The following KIF17 variants were observed in gnomAD, a reference collection of about 807,000 sequenced individuals.
The protein encoded by KIF17 is kinesin family member 17.
A neutral mutation model predicts 96.8 loss-of-function variants in KIF17; 80 were observed. The observed-to-expected ratio is 0.83, with a 90% CI of 0.69 to 1.00. KIF17 has a LOEUF of 1.00. Ranked by LOEUF, KIF17 falls within the 50% of genes least tolerant of loss-of-function variation. The pLI is 0.00. For synonymous variants in KIF17, 567 were observed against 587.5 expected (o/e 0.97, Z 0.51); for missense variants, 1,280 against 1,372.9 (o/e 0.93, Z 1.07).
Position 20,672,738 on chromosome 1 carries a change from AGACCC to A in KIF17, c.2464-547_2464-543del, listed in dbSNP as rs1165839020. The A allele has an allele frequency of 4.6e-6, 1 of 219,570 alleles. No homozygotes were observed. Among genetic ancestry groups the A allele is most frequent in the African/African-American group, 2.2e-5 (1 of 44,818 alleles). The allele number at this position is 219,570 out of a possible 1,614,324, so 13.6% of individuals were successfully genotyped here. On this transcript the variant is annotated intron_variant, in intron 11 of 14. Transcript: ENST00000400463. The surrounding 1 kb of genome is among the most constrained non-coding windows in gnomAD (Gnocchi z 4.3). ...GACCTAAACAATGGACCTAAGAGTA[AGACCC>A]ACCTTGATCTGATCAAGGGTTCCAG...
chr1:20,698,408 C>A lies in KIF17; in HGVS notation c.1204G>T (p.Val402Leu), dbSNP rs522496. ...CGGATCAGCTGCTTCTCGGCCTCCA[C>A]GTCATGCTGGATCACAGGTTGGGGC... The part of the protein sequence containing the change: ...LLPQPVIQHD[V>L]EAEKQLIREE... Residue 402 changes from valine to leucine, a missense_variant, in exon 6 of 15, where the codon GTG (valine) becomes TTG (leucine). Coordinates refer to ENST00000400463, the MANE Select transcript of KIF17 (RefSeq NM_001122819.3). The A allele has an allele frequency of 6.2e-7, 1 of 1,613,508 alleles. No homozygotes were observed.
chr1:20,692,384 G>A (rs2054054989), intron 6 of KIF17, among the ~76,000 whole-genome samples: 1 of 151,196 alleles, frequency 6.6e-6, no homozygotes. Flanking sequence ...TCTGTCACCT[G>A]GGCTGGAGTG....
Position 20,672,060 on chromosome 1 carries a change from A to G in KIF17, c.2600T>C (p.Leu867Pro). 6.2e-7 allele frequency: 1 copy of G among 1,613,550 alleles called. No homozygotes were observed. The highest frequency in any genetic ancestry group is 8.5e-7 in the Non-Finnish European group (1 of 1,179,988). ...LQQLLEQVQP[L>P]IRRDCNYSNL... Reference sequence around the variant, plus strand: ...GCTGTAGTTACAGTCCCTGCGAATCAGGGGCTGCACCTGCTCCAGGAGCTG... The same window carrying G: ...GCTGTAGTTACAGTCCCTGCGAATCGGGGGCTGCACCTGCTCCAGGAGCTG... Residue 867 changes from leucine (L) to proline (P), a missense_variant, in exon 12 of 15, where the codon CTG becomes CCG. Transcript: ENST00000400463. The surrounding 1 kb of genome is among the most constrained non-coding windows in gnomAD (Gnocchi z 4.3).
At chr1:20,681,617 C>T (rs2053832057) in intron 11 of KIF17, among the ~76,000 whole-genome samples, 1 of 152,174 alleles carries the variant, frequency 6.6e-6, no homozygotes, top group African/African-American at 2.4e-5. Flanking sequence ...ACCCGGACAG[C>T]ACAGAGAAAG....
At chr1:20,710,038 C>G (rs1208323381) in intron 3 of KIF17, among the ~76,000 whole-genome samples, 2 of 152,172 alleles carry the variant, frequency 1.3e-5, no homozygotes, top group Admixed American at 1.3e-4. Flanking sequence ...TGCTATGGGA[C>G]CTTCAGCCAA....
At position 20,717,855 on chromosome 1, in the gene KIF17, C is replaced by G; in HGVS notation, c.-149G>C. On this transcript the variant is annotated 5_prime_UTR_variant, in exon 1 of 15. Coordinates refer to ENST00000400463, the MANE Select transcript of KIF17 (RefSeq NM_001122819.3). ...GGGCCGCGGCGGGGGGCGGGGACCC[C>G]TCGGGGGGCGCCCCGGAGGGGAGCT... 1 of 526,372 alleles carries G rather than the reference C, an allele frequency of 1.9e-6. No homozygotes were observed. Among genetic ancestry groups the G allele is most frequent in the East Asian group, 6.7e-5 (1 of 14,834 alleles). The allele number at this position is 526,372 out of a possible 1,614,324, so 32.6% of individuals were successfully genotyped here.
At position 20,682,786 on chromosome 1, in the gene KIF17, C is replaced by T. The variant is rs148629128; in HGVS notation, c.2330G>A (p.Arg777His). 8.9e-4 allele frequency: 1,431 copies of T among 1,612,838 alleles called. 2 individuals carry two copies. The highest frequency in any genetic ancestry group is 9.3e-4 in the Non-Finnish European group (1,095 of 1,180,026). The stretch of plus-strand genomic sequence containing the variant: ...CAGGGCAGCCACCAGCTGCTTCCTG[C>T]GCTCGTCTGCGTAGCGCTTGCGCCG... ...HKRRKRYADE[R>H]RKQLVAALQN... Residue 777 changes from arginine to histidine, a missense_variant, in exon 11 of 15, where the codon CGC (arginine) becomes CAC (histidine). By Grantham distance (29) the Arg-to-His change is conservative (BLOSUM62 0). Coordinates refer to ENST00000400463, the MANE Select transcript of KIF17 (RefSeq NM_001122819.3).
chr1:20,663,496 G>T (rs922032720), downstream of KIF17, among the ~76,000 whole-genome samples: 1 of 152,232 alleles, frequency 6.6e-6, no homozygotes, highest in African/African-American at 2.4e-5. Flanking sequence ...CATTAACCCT[G>T]TGAGGTGGGC....
At chr1:20,670,678 G>C (rs1396691631) in intron 12 of KIF17, among the ~76,000 whole-genome samples, 190 bp from the exon 13 acceptor site, 2 of 152,180 alleles carry the variant, frequency 1.3e-5, no homozygotes, top group African/African-American at 2.4e-5. Context: ...ACCCTCATCT[G>C]CTTGCAGGCA....
intron 11 of KIF17, among the ~76,000 whole-genome samples, chr1:20,673,986 C>T (rs1020251359): frequency 2.0e-5 from 3 of 151,788 alleles, no homozygotes; most frequent in South Asian, 2.1e-4. Context: ...TGGAGTGCAG[C>T]GGCACCTTCT....
chr1:20,704,641 GCCA>G lies in KIF17; in HGVS notation c.926_928del (p.Val309del). 1 of 1,614,182 alleles carries G rather than the reference GCCA, an allele frequency of 6.2e-7. No homozygotes were observed. The highest frequency in any genetic ancestry group is 1.1e-5 in the South Asian group (1 of 91,082). On this transcript the variant is annotated inframe_deletion, in exon 5 of 15. Transcript: ENST00000400463. This position sits in a 1 kb window ranked among gnomAD's most constrained non-coding sequence, Gnocchi z 6.8. Reference sequence around the variant, plus strand: ...GTTGTTGTCCGCAGGCGACAGGCAGGCCACCATGAGCGTCTTGGTGTTGCCGCC... The same window carrying G: ...GTTGTTGTCCGCAGGCGACAGGCAGGCCATGAGCGTCTTGGTGTTGCCGCC...
rs149369107 is a variant in KIF17 at position 20,690,173 on chromosome 1, G to T, written c.1381+15C>A. 131 of 1,613,998 alleles carry T rather than the reference G, an allele frequency of 8.1e-5. 1 individual carries two copies. The East Asian group carries it at 2.2e-3, about 27-fold the overall frequency. On this transcript the variant is annotated intron_variant, in intron 7 of 14. Transcript: ENST00000400463. ...CCTTCCCTGGAGACAGCCTCGGGGG[G>T]CAAGGGGTGCCCACCTGTCTCCTTC...
chr1:20,682,719 G>A lies in KIF17; in HGVS notation c.2397C>T (p.Asn799=), dbSNP rs191271690. The A allele has an allele frequency of 2.6e-5, 42 of 1,613,786 alleles. No individual in the cohort carries two copies. The African/African-American group carries it at 3.2e-4, about 12-fold the overall frequency. ...CTTCCTCCTGGATGGAGTCGTAGAC[G>A]TTAAGCAGCACCCAGTCCCCGCTGT... ...DEDSGDWVLL[N]VYDSIQEEVR... The change falls in exon 11 of 15, where the codon AAC becomes AAT. Residue 799 remains asparagine (N), a synonymous_variant. Transcript: ENST00000400463.
chr1:20,688,166 C>T (rs749668368), intron 7 of KIF17, among the ~76,000 whole-genome samples: 2 of 152,050 alleles, frequency 1.3e-5, no homozygotes, highest in Non-Finnish European at 2.9e-5. Flanking sequence ...CCTGCCTCGG[C>T]CTCCCGAGTA....
intron 7 of KIF17, among the ~76,000 whole-genome samples, chr1:20,688,550 C>T (rs969984367): frequency 2.0e-5 from 3 of 152,210 alleles, no homozygotes; most frequent in African/African-American, 7.2e-5. Flanking sequence ...GAGTGCTGGG[C>T]TCTTAAGTCA....
intron 1 of KIF17, among the ~76,000 whole-genome samples, chr1:20,715,861 G>T (rs1466909439): frequency 6.6e-6 from 1 of 152,348 alleles, no homozygotes; most frequent in African/African-American, 2.4e-5. Context: ...CCTGAGCTGT[G>T]GGCTTGGCCC....
At chr1:20,715,447 C>T in intron 2 of KIF17, 46 bp downstream of exon 2, 1 of 1,604,330 alleles carries the variant, frequency 6.2e-7, no homozygotes, top group East Asian at 2.2e-5. Flanking sequence ...TGCTCTGGGC[C>T]CAGCTGCAGC....
chr1:20,696,203 C>T (rs1269698015), intron 6 of KIF17, among the ~76,000 whole-genome samples: 2 of 152,056 alleles, frequency 1.3e-5, no homozygotes, highest in African/African-American at 4.8e-5. Flanking sequence ...GGCTCCTGGC[C>T]CGTGTCCTCT....
intron 3 of KIF17, among the ~76,000 whole-genome samples, chr1:20,712,602 ATC>A (rs1557606304): frequency 1.1e-4 from 2 of 18,502 alleles, no homozygotes; most frequent in Non-Finnish European, 2.9e-4. Flanking sequence ...ATCTATATAT[ATC>A]TATATATATA....
Sources: gnomAD v4.1 joint callset for allele counts (sites outside exome capture counted in the v4.1 genomes callset) on GRCh38, gnomAD v4.1.1 for gene constraint, Gnocchi (gnomAD v3.1) non-coding constraint, MANE v1.5 for transcripts, NCBI Gene and HGNC (gene_info 2026-07-23, HGNC 2026-07-21) for gene names.